The following SHC4 variants were observed in gnomAD, a reference collection of about 807,000 sequenced individuals.
SHC4 encodes the protein SHC-transforming protein 4.
Under a neutral mutation model 69.4 loss-of-function variants are expected in SHC4, and 41 were observed. That is an observed-to-expected ratio of 0.59 (90% CI 0.46 to 0.77). The LOEUF (loss-of-function observed/expected upper bound fraction) is 0.77. Ranked by LOEUF, SHC4 falls within the 30% of genes least tolerant of loss-of-function variation. The pLI is 0.00. For missense variants in SHC4, 777 were observed against 783.8 expected (o/e 0.99, Z 0.10); for synonymous variants, 318 against 299.3 (o/e 1.06, Z -0.64).
intron 1 of SHC4, chr15:48,938,369 A>G (rs1350605999): frequency 6.6e-6 from 1 of 152,200 alleles, no homozygotes; most frequent in East Asian, 1.9e-4. Flanking sequence ...TATGGTTTAA[A>G]AAGGCAAGCT....
intron 11 of SHC4, among the ~76,000 whole-genome samples, chr15:48,829,894 G>C (rs1898764641): frequency 6.6e-6 from 1 of 152,190 alleles, no homozygotes; most frequent in African/African-American, 2.4e-5. Context: ...ACTCCAGCCT[G>C]GGCAATAGAG....
intron 11 of SHC4, among the ~76,000 whole-genome samples, chr15:48,830,063 A>G (rs1898768396): frequency 6.6e-6 from 1 of 152,236 alleles, no homozygotes; most frequent in African/African-American, 2.4e-5. Flanking sequence ...ATACTAGAGA[A>G]GAACTATTAC....
chr15:48,881,748 G>A (rs1239107370), intron 4 of SHC4, among the ~76,000 whole-genome samples: 6 of 152,110 alleles, frequency 3.9e-5, no homozygotes, highest in Non-Finnish European at 8.8e-5. Flanking sequence ...TGTCAATAAA[G>A]TCTGTTGCTT....
At chr15:48,940,067 G>A (rs76583873) in intron 1 of SHC4, among the ~76,000 whole-genome samples, 1,685 of 152,318 alleles carry the variant, frequency 0.011, 35 homozygotes, top group East Asian at 0.092. Flanking sequence ...CTAGGTGTCT[G>A]CTAAGAACAC....
At chr15:48,846,931 G>T (rs1245501295) in intron 9 of SHC4, among the ~76,000 whole-genome samples, 1 of 151,318 alleles carries the variant, frequency 6.6e-6, no homozygotes, top group Non-Finnish European at 1.5e-5. Context: ...AAAAACATCG[G>T]TGTTTATATC....
intron 1 of SHC4, among the ~76,000 whole-genome samples, chr15:48,948,731 C>T (rs1455366552): frequency 6.6e-6 from 1 of 152,104 alleles, no homozygotes; most frequent in Non-Finnish European, 1.5e-5. Flanking sequence ...CATAGCAAGG[C>T]CCAGTCTCTA....
chr15:48,923,550 A>G (rs1038898730), intron 2 of SHC4, among the ~76,000 whole-genome samples: 2 of 150,644 alleles, frequency 1.3e-5, no homozygotes, highest in African/African-American at 2.4e-5. Context: ...GTCTCAAAAA[A>G]AAAAAAAAAA....
Position 48,825,742 on chromosome 15 carries a change from T to C in SHC4, c.*229A>G, listed in dbSNP as rs921124747. ...AAAAAGTGACATCCGTGCATACATA[T>C]AATTTCTTTTAAAATGACCAACCCT... is the stretch of plus-strand genomic sequence containing the variant. On this transcript the variant is annotated 3_prime_UTR_variant, in exon 12 of 12. Coordinates refer to ENST00000332408, the MANE Select transcript of SHC4 (RefSeq NM_203349.4). The C allele has an allele frequency of 6.2e-6, 3 of 485,162 alleles. No individual in the cohort carries two copies. Among genetic ancestry groups the C allele is most frequent in the Non-Finnish European group, 1.1e-5 (3 of 280,342 alleles). 30.1% of individuals were successfully genotyped at this position (485,162 alleles called of 1,614,324 possible).
intron 8 of SHC4, among the ~76,000 whole-genome samples, chr15:48,851,467 T>C (rs1899213253): frequency 6.6e-6 from 1 of 152,132 alleles, no homozygotes; most frequent in South Asian, 2.1e-4. Context: ...CTGATTCGGC[T>C]GGGGGGTTCT....
intron 4 of SHC4, among the ~76,000 whole-genome samples, chr15:48,872,654 C>T (rs1238656162): frequency 6.6e-6 from 1 of 152,186 alleles, no homozygotes; most frequent in Non-Finnish European, 1.5e-5. Context: ...TTCACCCTCT[C>T]CCTTTATATT....
intron 6 of SHC4, among the ~76,000 whole-genome samples, chr15:48,866,965 A>G (rs1343235713): frequency 6.6e-6 from 1 of 152,230 alleles, no homozygotes; most frequent in African/African-American, 2.4e-5. Context: ...AATTCCCATC[A>G]AATCACTCTT....
chr15:48,911,434 A>G (rs759256004), intron 2 of SHC4, among the ~76,000 whole-genome samples: 2 of 151,622 alleles, frequency 1.3e-5, no homozygotes, highest in Non-Finnish European at 2.9e-5. Context: ...TTCCTACCCT[A>G]CTCGTTACTT....
At chr15:48,898,691 C>T (rs1034535419) in intron 2 of SHC4, among the ~76,000 whole-genome samples, 1 of 152,122 alleles carries the variant, frequency 6.6e-6, no homozygotes, top group Non-Finnish European at 1.5e-5. Flanking sequence ...ATCACATCTC[C>T]CCTATAACTC....
At chr15:48,925,763 G>A (rs1173244415) in intron 1 of SHC4, among the ~76,000 whole-genome samples, 1 of 152,194 alleles carries the variant, frequency 6.6e-6, no homozygotes, top group Non-Finnish European at 1.5e-5. Flanking sequence ...GTCAGCGGCA[G>A]TATGAAGGTG....
intron 10 of SHC4, among the ~76,000 whole-genome samples, chr15:48,839,490 C>T (rs1340683737): frequency 9.9e-6 from 1 of 100,756 alleles, no homozygotes; most frequent in African/African-American, 3.0e-5. Flanking sequence ...TGACAGTGGA[C>T]ACCAAAAGTC....
At chr15:48,878,827 C>T in intron 4 of SHC4, 6 of 1,343,272 alleles carry the variant, frequency 4.5e-6, no homozygotes, top group South Asian at 3.0e-5. Flanking sequence ...TAGTTTTGTG[C>T]CATTGAAAAA....
At chr15:48,925,908 T>A (rs1038796661) in intron 1 of SHC4, among the ~76,000 whole-genome samples, 1 of 152,122 alleles carries the variant, frequency 6.6e-6, no homozygotes, top group Non-Finnish European at 1.5e-5. Context: ...TACTACAGAA[T>A]TCGGCAGTTG....
At chr15:48,925,354 G>C (rs1453026232) in intron 1 of SHC4, among the ~76,000 whole-genome samples, 1 of 152,196 alleles carries the variant, frequency 6.6e-6, no homozygotes, top group African/African-American at 2.4e-5. Context: ...GAATTGTTAG[G>C]AGAGTGAAAT....
At chr15:48,835,618 G>A (rs973898299) in intron 10 of SHC4, among the ~76,000 whole-genome samples, 10 of 152,140 alleles carry the variant, frequency 6.6e-5, no homozygotes, top group Non-Finnish European at 1.0e-4. Context: ...GACAAAAACA[G>A]TTGATGAGGT....
Sources: allele counts gnomAD v4.1 joint callset (sites outside exome capture counted in the v4.1 genomes callset), GRCh38; gene constraint gnomAD v4.1.1; transcripts MANE v1.5; gene names NCBI Gene and HGNC (gene_info 2026-07-23, HGNC 2026-07-21).